The following OCA2 variants were observed in gnomAD, a reference collection of about 807,000 sequenced individuals.
OCA2 encodes the protein OCA2 melanosomal transmembrane protein, also known as P protein.
OCA2 carries 77 observed loss-of-function variants against 100.2 expected under a neutral mutation model. The ratio of observed to expected loss-of-function variants is 0.77; its 90% CI spans 0.64 to 0.93. The LOEUF is 0.93. OCA2 is among the 40% of genes least tolerant of loss of function. The probability of loss-of-function intolerance (pLI) is 0.00; values close to 1 mark genes in which losing one functional copy is unlikely to be tolerated. For synonymous variants in OCA2, 432 were observed against 439.2 expected, an observed-to-expected ratio of 0.98 and a Z score of 0.21; for missense variants, 1,062 against 1,089.1, an observed-to-expected ratio of 0.98 and a Z score of 0.35.
At chr15:27,953,521 T>G (rs895648104) in intron 17 of OCA2, among the ~76,000 whole-genome samples, 2 of 152,304 alleles carry the variant, frequency 1.3e-5, no homozygotes, top group African/African-American at 4.8e-5. Flanking sequence ...AGGAGAGTGA[T>G]GCGGATTCTC....
intron 23 of OCA2, among the ~76,000 whole-genome samples, chr15:27,769,061 C>T (rs1485606033): frequency 3.9e-5 from 6 of 152,218 alleles, no homozygotes; most frequent in Non-Finnish European, 5.9e-5. Flanking sequence ...CGGGAGCCTC[C>T]ATTTCCCAGA....
chr15:27,834,056 G>C (rs1485768805), intron 23 of OCA2, among the ~76,000 whole-genome samples: 1 of 152,168 alleles, frequency 6.6e-6, no homozygotes, highest in Non-Finnish European at 1.5e-5. Flanking sequence ...GGCAGCTCTT[G>C]GGGGCCCTAG....
At chr15:27,933,896 A>G (rs2039353358) in intron 18 of OCA2, among the ~76,000 whole-genome samples, 1 of 152,170 alleles carries the variant, frequency 6.6e-6, no homozygotes, top group South Asian at 2.1e-4. Flanking sequence ...TGATGTAATT[A>G]ATGCCACTGA....
At chr15:28,028,758 T>A (rs916426045) in intron 3 of OCA2, among the ~76,000 whole-genome samples, 3 of 152,190 alleles carry the variant, frequency 2.0e-5, no homozygotes, top group Admixed American at 2.0e-4. Context: ...CAATTTCAGC[T>A]CACTGCAACC....
intron 19 of OCA2, among the ~76,000 whole-genome samples, chr15:27,897,836 C>A (rs974862253): frequency 1.3e-5 from 2 of 152,158 alleles, no homozygotes; most frequent in African/African-American, 2.4e-5. Context: ...GCAGCGGGGA[C>A]GGAGGCTGTA....
At chr15:27,742,338 C>A in the OCA2 span, among the ~76,000 whole-genome samples, 2 of 152,116 alleles carry the variant, frequency 1.3e-5, no homozygotes, top group Admixed American at 6.6e-5. Flanking sequence ...AGCTGTGGAA[C>A]CTTGGAGCAG....
the OCA2 span, among the ~76,000 whole-genome samples, chr15:27,720,801 G>T: frequency 6.6e-6 from 1 of 152,068 alleles, no homozygotes; most frequent in Non-Finnish European, 1.5e-5. Context: ...TTATTATACA[G>T]CAATAGTACC....
intron 2 of OCA2, among the ~76,000 whole-genome samples, chr15:28,046,173 C>A (rs755955762): frequency 6.6e-6 from 1 of 152,180 alleles, no homozygotes; most frequent in Non-Finnish European, 1.5e-5. Context: ...ATGGACTTTA[C>A]CCGCAGTGCC....
chr15:28,073,372 C>A (rs2044325541), intron 2 of OCA2, among the ~76,000 whole-genome samples: 1 of 152,124 alleles, frequency 6.6e-6, no homozygotes, highest in African/African-American at 2.4e-5. Flanking sequence ...AAAGATTGCA[C>A]CACTGCACTC....
intron 23 of OCA2, among the ~76,000 whole-genome samples, chr15:27,776,991 A>C (rs1291449140): frequency 7.2e-6 from 1 of 137,972 alleles, no homozygotes; most frequent in Non-Finnish European, 1.6e-5. Context: ...GGGTGGGGGG[A>C]GTGTTGGAGA....
At position 28,040,031 on chromosome 15, in the gene OCA2, C is replaced by CA. The variant is rs57662493; in HGVS notation, c.228-7869dup. The stretch of plus-strand genomic sequence containing the variant: ...TGGGTGACAGAGAGAGACTCCATCT[C>CA]AAAAAAAAAAAAAAAAGAAGAGGAA... On this transcript the variant is annotated intron_variant, in intron 2 of 23. Coordinates refer to ENST00000354638, the MANE Select transcript of OCA2 (RefSeq NM_000275.3). 3.5e-3 allele frequency among the ~76,000 whole-genome samples: 377 copies of CA among 106,904 alleles called. 1 individual carries two copies. The highest frequency in any genetic ancestry group is 6.5e-3 in the African/African-American group (213 of 32,658). The allele number at this position is 106,904 out of a possible 152,430, so 70.1% of individuals were successfully genotyped here. A position where few individuals can be genotyped will look rare whatever the true frequency, so the allele number is the denominator to read the frequency against.
intron 2 of OCA2, among the ~76,000 whole-genome samples, chr15:28,054,030 ATG>A (rs547513608): frequency 2.6e-4 from 40 of 152,288 alleles, no homozygotes; most frequent in African/African-American, 9.1e-4. Context: ...GTATATATGT[ATG>A]TGTATAAATA....
intron 23 of OCA2, among the ~76,000 whole-genome samples, chr15:27,758,799 A>G (rs1463561510): frequency 6.6e-6 from 1 of 152,314 alleles, no homozygotes; most frequent in East Asian, 1.9e-4. Flanking sequence ...ATGAAAAAAG[A>G]CTAAAAAAAC....
chr15:27,934,157 C>T (rs1195465007), intron 18 of OCA2, among the ~76,000 whole-genome samples: 1 of 150,454 alleles, frequency 6.6e-6, no homozygotes, highest in Non-Finnish European at 1.5e-5. Context: ...CTTACTACAA[C>T]AGCAACATTT....
chr15:27,873,618 G>C (rs898961576), intron 19 of OCA2, among the ~76,000 whole-genome samples: 3 of 152,118 alleles, frequency 2.0e-5, no homozygotes, highest in Non-Finnish European at 4.4e-5. Context: ...TGCACCTCTT[G>C]ATGTGTACCT....
At chr15:28,084,755 A>C (rs1307801785) in intron 1 of OCA2, among the ~76,000 whole-genome samples, 1 of 152,116 alleles carries the variant, frequency 6.6e-6, no homozygotes. Context: ...GGCCAGCAAG[A>C]AGTTTATGGT....
At chr15:27,801,550 CAAAAAAAAAAAAAA>C (rs34636608) in intron 23 of OCA2, among the ~76,000 whole-genome samples, 1 of 37,828 alleles carries the variant, frequency 2.6e-5, no homozygotes, top group Admixed American at 3.2e-4. Flanking sequence ...GACTCGGTCT[CAAAAAAAAAAAAAA>C]AAAAAAAAAA....
At chr15:27,876,237 TC>T (rs1427730361) in intron 19 of OCA2, among the ~76,000 whole-genome samples, 5 of 152,230 alleles carry the variant, frequency 3.3e-5, no homozygotes, top group Admixed American at 2.6e-4. Context: ...ATGGTTTTTC[TC>T]CTGCAATCTG....
At chr15:27,970,560 G>A (rs1408659291) in intron 14 of OCA2, among the ~76,000 whole-genome samples, 1 of 151,984 alleles carries the variant, frequency 6.6e-6, no homozygotes, top group Non-Finnish European at 1.5e-5. Context: ...AGCACGCACA[G>A]CATGATGGGA....
Sources: allele counts gnomAD v4.1 joint callset (sites outside exome capture counted in the v4.1 genomes callset), GRCh38; gene constraint gnomAD v4.1.1; transcripts MANE v1.5; gene names NCBI Gene and HGNC (gene_info 2026-07-23, HGNC 2026-07-21).